SV2C: variants seen among roughly 807,000 people sequenced by gnomAD.
The protein encoded by SV2C is solute carrier family 22 member B3.
A neutral mutation model predicts 79.7 loss-of-function variants in SV2C; 49 were observed. The ratio of observed to expected loss-of-function variants is 0.61; its 90% CI spans 0.49 to 0.78. The LOEUF (loss-of-function observed/expected upper bound fraction) is 0.78, where lower values mean the gene tolerates loss of function less well. SV2C is among the 30% of genes least tolerant of loss of function. SV2C has a pLI of 0.00. For synonymous variants in SV2C, 334 were observed against 333.2 expected (o/e 1.00, Z -0.03); for missense variants, 833 against 912.9 (o/e 0.91, Z 1.13).
chr5:75,926,166 CACTGAGCTT>C, the SV2C span, among the ~76,000 whole-genome samples: 1 of 152,126 alleles, frequency 6.6e-6, no homozygotes, highest in African/African-American at 2.4e-5. Flanking sequence ...TATAAATTCT[CACTGAGCTT>C]ACCCAAACTC....
the SV2C span, among the ~76,000 whole-genome samples, chr5:75,949,784 C>T: frequency 1.3e-5 from 2 of 151,964 alleles, no homozygotes; most frequent in East Asian, 1.9e-4. Context: ...ATTACCCAGT[C>T]TCGGATATGT....
intron 2 of SV2C, among the ~76,000 whole-genome samples, chr5:76,152,012 G>C (rs764863924): frequency 7.9e-5 from 12 of 152,310 alleles, no homozygotes; most frequent in African/African-American, 2.6e-4. Flanking sequence ...GATGCCTTAG[G>C]GGGTGAGAGA....
chr5:76,084,779 C>T (rs1747120766), intron 1 of SV2C, among the ~76,000 whole-genome samples: 1 of 151,526 alleles, frequency 6.6e-6, no homozygotes. Flanking sequence ...TGATGGATGC[C>T]CCGCGGCGCG....
chr5:75,993,160 T>C, the SV2C span, among the ~76,000 whole-genome samples: 3 of 152,234 alleles, frequency 2.0e-5, no homozygotes, highest in Non-Finnish European at 4.4e-5. Flanking sequence ...ATATGTCTAA[T>C]ATTTTAAATT....
intron 1 of SV2C, among the ~76,000 whole-genome samples, chr5:76,130,145 T>TAAAAAAAAAAAAAA (rs375351450): frequency 1.0e-4 from 7 of 67,832 alleles, no homozygotes; most frequent in African/African-American, 3.5e-4. Flanking sequence ...TCTCAGTTCT[T>TAAAAAAAAAAAAAA]AAAAAAAAAA....
At chr5:76,072,278 T>C in the SV2C span, among the ~76,000 whole-genome samples, 3 of 152,190 alleles carry the variant, frequency 2.0e-5, no homozygotes, top group African/African-American at 4.8e-5. Flanking sequence ...TAATTAAATG[T>C]GTGAACAATT....
At chr5:76,002,764 A>G in the SV2C span, among the ~76,000 whole-genome samples, 1 of 152,218 alleles carries the variant, frequency 6.6e-6, no homozygotes, top group Non-Finnish European at 1.5e-5. Flanking sequence ...AGTTGGGTGA[A>G]GGTAATTATG....
intron 4 of SV2C, among the ~76,000 whole-genome samples, chr5:76,211,005 A>G (rs1561265915): frequency 6.6e-6 from 1 of 152,170 alleles, no homozygotes; most frequent in Non-Finnish European, 1.5e-5. Flanking sequence ...TACCCTAAGT[A>G]GAGGTGGGAG....
At chr5:75,961,364 C>A in the SV2C span, among the ~76,000 whole-genome samples, 1 of 151,670 alleles carries the variant, frequency 6.6e-6, no homozygotes, top group Non-Finnish European at 1.5e-5. Context: ...AGCAAAATCA[C>A]TAATTATGTT....
rs375351450 is a variant in SV2C, at chr5:76,130,145, TAAAAAAAAA to T, written c.-101-1478_-101-1470del. Among the ~76,000 whole-genome samples the T allele has an allele frequency of 8.4e-3, 571 of 67,774 alleles. 5 individuals are homozygous for T. Among genetic ancestry groups the T allele is most frequent in the African/African-American group, 0.048 (550 of 11,388 alleles). The allele number at this position is 67,774 out of a possible 152,430, so 44.5% of individuals were successfully genotyped here. On this transcript the variant is annotated intron_variant, in intron 1 of 12. Coordinates refer to ENST00000502798, the MANE Select transcript of SV2C (RefSeq NM_014979.4). ...CTCCCTTTCTCTTCCTCTCAGTTCT[TAAAAAAAAA>T]AAAAAAAAAAAAAAAAAAAAAAAAA...
chr5:76,112,687 T>C (rs1381243027), intron 1 of SV2C, among the ~76,000 whole-genome samples: 1 of 152,176 alleles, frequency 6.6e-6, no homozygotes, highest in Non-Finnish European at 1.5e-5. Context: ...TAAAGAGTAG[T>C]GGAAGTGGTG....
At chr5:76,175,095 G>T (rs1743481907) in intron 2 of SV2C, among the ~76,000 whole-genome samples, 1 of 152,168 alleles carries the variant, frequency 6.6e-6, no homozygotes, top group Non-Finnish European at 1.5e-5. Flanking sequence ...AGAGATACCA[G>T]AAAAAACACT....
At chr5:76,285,906 G>T (rs755989071) in intron 6 of SV2C, 36 bp downstream of exon 6, 6 of 1,571,992 alleles carry the variant, frequency 3.8e-6, no homozygotes, top group Non-Finnish European at 5.2e-6. Context: ...CAACACCAGG[G>T]ATTGGGACAT....
chr5:76,312,781 TGA>T (rs1312070082), intron 12 of SV2C, among the ~76,000 whole-genome samples: 2 of 152,316 alleles, frequency 1.3e-5, no homozygotes, highest in East Asian at 3.9e-4. Flanking sequence ...GTTTCAGACA[TGA>T]GGTCAGAAAG....
At chr5:75,928,090 A>G in the SV2C span, among the ~76,000 whole-genome samples, 6 of 152,200 alleles carry the variant, frequency 3.9e-5, no homozygotes, top group African/African-American at 1.4e-4. Context: ...TAATTGTGGT[A>G]CAGTATATAA....
chr5:76,340,222 C>T (rs946962170), intron 12 of SV2C, among the ~76,000 whole-genome samples: 1 of 152,172 alleles, frequency 6.6e-6, no homozygotes, highest in Admixed American at 6.5e-5. Flanking sequence ...ACCCCTTTCC[C>T]AGAAAACTAA....
chr5:76,163,911 C>T (rs1267387956), intron 2 of SV2C, among the ~76,000 whole-genome samples: 1 of 152,172 alleles, frequency 6.6e-6, no homozygotes, highest in Non-Finnish European at 1.5e-5. Context: ...AGATAAATGT[C>T]TCCTGAGCTC....
intron 12 of SV2C, among the ~76,000 whole-genome samples, chr5:76,350,372 C>A (rs1251466727): frequency 6.6e-6 from 1 of 152,210 alleles, no homozygotes; most frequent in Non-Finnish European, 1.5e-5. Flanking sequence ...AGAAGCAAGG[C>A]AGTCATCTGC....
At chr5:75,913,953 G>A in the SV2C span, among the ~76,000 whole-genome samples, 1,695 of 150,728 alleles carry the variant, frequency 0.011, 25 homozygotes, top group African/African-American at 0.04. Flanking sequence ...GGCCATAAAT[G>A]AGAATAGTTA....
Sources: gnomAD v4.1 joint callset for allele counts (sites outside exome capture counted in the v4.1 genomes callset) on GRCh38, gnomAD v4.1.1 for gene constraint, MANE v1.5 for transcripts, NCBI Gene and HGNC (gene_info 2026-07-23, HGNC 2026-07-21) for gene names.